Variants in FOXP1 observed in about 807,000 individuals in gnomAD.
The protein encoded by FOXP1 is forkhead box protein P1.
FOXP1 carries 15 observed loss-of-function variants against 98.2 expected under a neutral mutation model. That is an observed-to-expected ratio of 0.15 (90% CI 0.10 to 0.24). The LOEUF (loss-of-function observed/expected upper bound fraction) is 0.24. Ranked by LOEUF, FOXP1 falls within the 10% of genes least tolerant of loss-of-function variation. The pLI is 1.00. For synonymous variants in FOXP1, 371 were observed against 314.5 expected (o/e 1.18, Z -1.90); for missense variants, 633 against 848.5 (o/e 0.75, Z 3.15).
chr3:71,132,442 A>G (rs1454360257), intron 6 of FOXP1, among the ~76,000 whole-genome samples: 4 of 152,118 alleles, frequency 2.6e-5, no homozygotes, highest in African/African-American at 9.7e-5. Context: ...AATTAAAAAA[A>G]ATAAAGCCTC....
chr3:71,513,080 C>G (rs1020154643), intron 2 of FOXP1, among the ~76,000 whole-genome samples: 1 of 152,172 alleles, frequency 6.6e-6, no homozygotes, highest in Non-Finnish European at 1.5e-5. Context: ...GGCTCCCAAC[C>G]TGGCCCATAC....
At chr3:71,348,568 T>A (rs1247639770) in intron 4 of FOXP1, among the ~76,000 whole-genome samples, 1 of 141,640 alleles carries the variant, frequency 7.1e-6, no homozygotes, top group South Asian at 2.2e-4. Flanking sequence ...CGCGCACGCA[T>A]ATGCATGTGT....
chr3:71,009,992 G>A (rs1377362168), intron 12 of FOXP1, among the ~76,000 whole-genome samples: 2 of 149,268 alleles, frequency 1.3e-5, no homozygotes, highest in African/African-American at 5.0e-5. Context: ...TTGGCCTCAA[G>A]AAATCCTTCC....
chr3:70,956,357 T>C lies in FOXP1; in HGVS notation c.*2890A>G, dbSNP rs1052407767. 4.3e-6 allele frequency: 1 copy of C among 232,950 alleles called. No individual in the cohort carries two copies. Among genetic ancestry groups the C allele is most frequent in the African/African-American group, 2.2e-5 (1 of 45,232 alleles). 14.4% of individuals were successfully genotyped at this position (232,950 alleles called of 1,614,324 possible). On this transcript the variant is annotated 3_prime_UTR_variant, in exon 21 of 21. Transcript: ENST00000649528. ...GCTGTAAAGCCTGAGAATTTTTTTTTCAGTTGGTTCTTCTGCAAGGCTGTG... is the reference window on the plus strand; with the variant it reads ...GCTGTAAAGCCTGAGAATTTTTTTTCCAGTTGGTTCTTCTGCAAGGCTGTG...
intron 11 of FOXP1, among the ~76,000 whole-genome samples, chr3:71,020,969 T>G (rs920119137): frequency 2.0e-4 from 30 of 152,226 alleles, no homozygotes; most frequent in African/African-American, 7.0e-4. Context: ...GCATGTTATT[T>G]GATAAATTAA....
chr3:71,193,137 T>C (rs2063092381), intron 6 of FOXP1, among the ~76,000 whole-genome samples: 1 of 151,650 alleles, frequency 6.6e-6, no homozygotes, highest in Non-Finnish European at 1.5e-5. Flanking sequence ...GTTGTTGTTG[T>C]TGTTGTTGTT....
chr3:71,191,336 A>T (rs891641703), intron 6 of FOXP1, among the ~76,000 whole-genome samples: 1 of 152,244 alleles, frequency 6.6e-6, no homozygotes, highest in Non-Finnish European at 1.5e-5. Context: ...TTGTGAGTAG[A>T]CAAGAGATAG....
chr3:71,191,598 A>T lies in FOXP1; in HGVS notation c.180+6604T>A, dbSNP rs181457249. On this transcript the variant is annotated intron_variant, in intron 6 of 20. Transcript: ENST00000649528. ...TGTTTAGTAATCAAAACTTGAAAGAATTTCATACAAGGCTCAAATCACAAG... is the reference window on the plus strand; with the variant it reads ...TGTTTAGTAATCAAAACTTGAAAGATTTTCATACAAGGCTCAAATCACAAG... Among the ~76,000 whole-genome samples the T allele has an allele frequency of 2.0e-5, 3 of 152,352 alleles. No individual in the cohort carries two copies. In the East Asian group the frequency reaches 5.8e-4, roughly 29 times the overall value.
At chr3:71,241,017 T>C (rs1190426097) in intron 5 of FOXP1, among the ~76,000 whole-genome samples, 2 of 151,320 alleles carry the variant, frequency 1.3e-5, no homozygotes, top group Non-Finnish European at 2.9e-5. Context: ...GAGACCAGCC[T>C]GGCCAACATA....
intron 12 of FOXP1, among the ~76,000 whole-genome samples, chr3:71,015,068 C>G (rs1052844636): frequency 1.3e-5 from 2 of 151,790 alleles, no homozygotes; most frequent in Non-Finnish European, 2.9e-5. Flanking sequence ...AGCACACCAA[C>G]ATGGCACATG....
At chr3:71,277,723 T>C (rs2071063797) in intron 5 of FOXP1, among the ~76,000 whole-genome samples, 1 of 152,146 alleles carries the variant, frequency 6.6e-6, no homozygotes, top group Admixed American at 6.5e-5. Context: ...CTTACATGTC[T>C]GACTCCTTTT....
chr3:71,557,617 G>A (rs368771248), intron 2 of FOXP1, among the ~76,000 whole-genome samples: 6 of 152,302 alleles, frequency 3.9e-5, no homozygotes, highest in African/African-American at 1.2e-4. Context: ...CCACCTTCAC[G>A]GAAGAGTGAG....
intron 4 of FOXP1, among the ~76,000 whole-genome samples, chr3:71,350,713 G>A (rs1262493170): frequency 6.6e-6 from 1 of 152,128 alleles, no homozygotes; most frequent in Non-Finnish European, 1.5e-5. Context: ...ATTCAGTTGT[G>A]GGTTAGCTGA....
intron 6 of FOXP1, among the ~76,000 whole-genome samples, chr3:71,185,477 C>T (rs1445010061): frequency 6.6e-6 from 1 of 152,130 alleles, no homozygotes; most frequent in African/African-American, 2.4e-5. Flanking sequence ...GGTAAATTAG[C>T]TAAAATTCAA....
chr3:71,260,226 G>A (rs1453434426), intron 5 of FOXP1, among the ~76,000 whole-genome samples: 2 of 152,070 alleles, frequency 1.3e-5, no homozygotes, highest in East Asian at 1.9e-4. Flanking sequence ...CTTGTGATCC[G>A]CCCGCCTCAG....
chr3:71,382,757 G>T (rs556571859), intron 3 of FOXP1, among the ~76,000 whole-genome samples: 20 of 152,168 alleles, frequency 1.3e-4, no homozygotes, highest in Admixed American at 5.2e-4. Flanking sequence ...CTTTAAGCCT[G>T]CCTTTACTGG....
intron 3 of FOXP1, among the ~76,000 whole-genome samples, chr3:71,415,728 C>T (rs1239948849): frequency 7.5e-5 from 11 of 147,566 alleles, no homozygotes; most frequent in South Asian, 2.1e-4. Flanking sequence ...CTATTAAGGG[C>T]TTTAGTATCT....
chr3:71,525,390 A>G (rs1031206455), intron 2 of FOXP1, among the ~76,000 whole-genome samples: 24 of 152,354 alleles, frequency 1.6e-4, no homozygotes, highest in African/African-American at 5.5e-4. Flanking sequence ...ATTTCAGACG[A>G]AAAAAAGGCA....
chr3:71,488,802 C>A (rs544082537), intron 3 of FOXP1, among the ~76,000 whole-genome samples: 2 of 152,176 alleles, frequency 1.3e-5, no homozygotes, highest in African/African-American at 4.8e-5. Flanking sequence ...TAAATCTAGC[C>A]TCTCTTTATG....
Sources: allele counts gnomAD v4.1 joint callset (sites outside exome capture counted in the v4.1 genomes callset), GRCh38; gene constraint gnomAD v4.1.1; transcripts MANE v1.5; gene names NCBI Gene and HGNC (gene_info 2026-07-23, HGNC 2026-07-21).